Variants in KCTD8 observed in about 807,000 individuals in gnomAD.
KCTD8 encodes the protein BTB/POZ domain-containing protein KCTD8.
Under a neutral mutation model 31.5 loss-of-function variants are expected in KCTD8, and 27 were observed. The ratio of observed to expected loss-of-function variants is 0.86; its 90% CI spans 0.63 to 1.18. The LOEUF (loss-of-function observed/expected upper bound fraction) is 1.18, where lower values mean the gene tolerates loss of function less well. Among genes scored for constraint, KCTD8 ranks in the 50% most tolerant of loss-of-function variants. The pLI is 0.00. For synonymous variants in KCTD8, 290 were observed against 280.0 expected, an observed-to-expected ratio of 1.04 and a Z score of -0.36; for missense variants, 658 against 647.7, an observed-to-expected ratio of 1.02 and a Z score of -0.17.
At chr4:44,229,641 C>T (rs1715060636) in intron 1 of KCTD8, among the ~76,000 whole-genome samples, 1 of 152,112 alleles carries the variant, frequency 6.6e-6, no homozygotes, top group African/African-American at 2.4e-5. Flanking sequence ...TTGGTGCCCG[C>T]TTGGGTCTCT....
intron 1 of KCTD8, among the ~76,000 whole-genome samples, chr4:44,372,997 G>A (rs1318874224): frequency 6.6e-6 from 1 of 152,046 alleles, no homozygotes; most frequent in Non-Finnish European, 1.5e-5. Flanking sequence ...TGCATCTGTG[G>A]CTAGTAATTT....
At chr4:44,250,085 A>G (rs1330146493) in intron 1 of KCTD8, among the ~76,000 whole-genome samples, 1 of 151,806 alleles carries the variant, frequency 6.6e-6, no homozygotes, top group East Asian at 1.9e-4. Context: ...TTCTAACAGC[A>G]TGGCTCTGGA....
At chr4:44,175,482 G>C (rs1560386098) in intron 1 of KCTD8, among the ~76,000 whole-genome samples, 2 of 152,142 alleles carry the variant, frequency 1.3e-5, no homozygotes, top group Non-Finnish European at 2.9e-5. Flanking sequence ...TAAAATTTGA[G>C]AAATTTGTTT....
intron 1 of KCTD8, among the ~76,000 whole-genome samples, chr4:44,357,238 C>T (rs759815744): frequency 1.6e-4 from 25 of 152,040 alleles, no homozygotes; most frequent in Non-Finnish European, 3.1e-4. Context: ...TTGACAAAAG[C>T]AACAAAACTG....
intron 1 of KCTD8, 59 bp downstream of exon 1, chr4:44,447,504 C>T (rs1577676061): frequency 6.9e-7 from 1 of 1,453,796 alleles, no homozygotes; most frequent in East Asian, 2.5e-5. Flanking sequence ...GGGGCTCAAA[C>T]TGGCGGCGGC....
chr4:44,217,318 T>G (rs1714677038), intron 1 of KCTD8, among the ~76,000 whole-genome samples: 1 of 152,174 alleles, frequency 6.6e-6, no homozygotes, highest in Admixed American at 6.5e-5. Context: ...GAAATAAGTT[T>G]TCTTGACCCA....
intron 1 of KCTD8, among the ~76,000 whole-genome samples, chr4:44,395,542 C>T (rs1033242573): frequency 2.2e-4 from 34 of 152,146 alleles, no homozygotes; most frequent in African/African-American, 7.5e-4. Flanking sequence ...TGGCACAGTT[C>T]CAAGAAATCT....
intron 1 of KCTD8, among the ~76,000 whole-genome samples, chr4:44,298,039 T>C (rs1717487805): frequency 6.6e-6 from 1 of 152,188 alleles, no homozygotes; most frequent in Non-Finnish European, 1.5e-5. Context: ...TAGTTATCTC[T>C]CTGTCGCTCA....
At chr4:44,267,428 C>A (rs1225723911) in intron 1 of KCTD8, among the ~76,000 whole-genome samples, 1 of 152,064 alleles carries the variant, frequency 6.6e-6, no homozygotes, top group Non-Finnish European at 1.5e-5. Flanking sequence ...ACTAAATGCC[C>A]ACAAGAGAAA....
At chr4:44,305,925 T>C (rs1189750808) in intron 1 of KCTD8, among the ~76,000 whole-genome samples, 1 of 151,836 alleles carries the variant, frequency 6.6e-6, no homozygotes, top group African/African-American at 2.4e-5. Flanking sequence ...TTTATAAATA[T>C]TTATCAATAT....
chr4:44,253,848 G>A (rs1486718125), intron 1 of KCTD8, among the ~76,000 whole-genome samples: 1 of 151,970 alleles, frequency 6.6e-6, no homozygotes, highest in African/African-American at 2.4e-5. Flanking sequence ...ATAGCAATAA[G>A]TAGCTAAAAC....
chr4:44,241,937 G>GT (rs201370608), intron 1 of KCTD8, among the ~76,000 whole-genome samples: 2,167 of 152,010 alleles, frequency 0.014, 20 homozygotes, highest in Non-Finnish European at 0.025. Flanking sequence ...ATAAAAAAGT[G>GT]TTTTTTTTCC....
chr4:44,198,198 A>G (rs1714007054), intron 1 of KCTD8, among the ~76,000 whole-genome samples: 1 of 152,212 alleles, frequency 6.6e-6, no homozygotes, highest in South Asian at 2.1e-4. Flanking sequence ...CCTGGGAGAG[A>G]TAGAGAGTGA....
chr4:44,220,551 T>C (rs1442168228), intron 1 of KCTD8, among the ~76,000 whole-genome samples: 3 of 152,164 alleles, frequency 2.0e-5, no homozygotes, highest in Non-Finnish European at 4.4e-5. Context: ...AATTCTGCAA[T>C]CCACTAAGGA....
intron 1 of KCTD8, among the ~76,000 whole-genome samples, chr4:44,362,197 T>C (rs1458140932): frequency 6.6e-6 from 1 of 152,144 alleles, no homozygotes; most frequent in Non-Finnish European, 1.5e-5. Context: ...CACACGTAGG[T>C]GAGTCAATGC....
chr4:44,183,366 G>A (rs779899182), intron 1 of KCTD8, among the ~76,000 whole-genome samples: 10 of 152,024 alleles, frequency 6.6e-5, no homozygotes, highest in Non-Finnish European at 1.2e-4. Context: ...GGGTATTTAA[G>A]AAAATAAAAC....
At chr4:44,273,378 T>C (rs1716665554) in intron 1 of KCTD8, among the ~76,000 whole-genome samples, 2 of 151,972 alleles carry the variant, frequency 1.3e-5, no homozygotes, top group South Asian at 4.1e-4. Flanking sequence ...AACAAAGCTG[T>C]ACATAAAAAT....
intron 1 of KCTD8, among the ~76,000 whole-genome samples, chr4:44,378,609 T>TAATAATTA (rs1719979488): frequency 3.3e-5 from 5 of 152,078 alleles, no homozygotes; most frequent in Non-Finnish European, 4.4e-5. Context: ...TAATTAAGGA[T>TAATAATTA]AAAAATCCAA....
chr4:44,347,050 T>A (rs1719054126), intron 1 of KCTD8, among the ~76,000 whole-genome samples: 1 of 152,078 alleles, frequency 6.6e-6, no homozygotes, highest in Non-Finnish European at 1.5e-5. Context: ...GCCCACAACA[T>A]CAAATACAGC....
Sources: gnomAD v4.1 joint callset for allele counts (sites outside exome capture counted in the v4.1 genomes callset) on GRCh38, gnomAD v4.1.1 for gene constraint, MANE v1.5 for transcripts, NCBI Gene and HGNC (gene_info 2026-07-23, HGNC 2026-07-21) for gene names.